EEA1: variants seen among roughly 807,000 people sequenced by gnomAD.
EEA1 encodes early endosome antigen 1, 162kD.
In EEA1, 111 loss-of-function variants were observed where a neutral mutation model predicts 209.2. The observed-to-expected ratio is 0.53, with a 90% CI of 0.45 to 0.62. EEA1 has a LOEUF of 0.62. EEA1 is among the 20% of genes least tolerant of loss of function. The pLI is 0.00. For missense variants in EEA1, 1,343 were observed against 1,530.8 expected (o/e 0.88, Z 2.05); for synonymous variants, 536 against 540.6 (o/e 0.99, Z 0.12).
intron 18 of EEA1, among the ~76,000 whole-genome samples, 197 bp from the exon 19 acceptor site, chr12:92,802,931 G>T (rs1318791408): frequency 6.6e-6 from 1 of 151,998 alleles, no homozygotes; most frequent in African/African-American, 2.4e-5. Flanking sequence ...AACAGATGTA[G>T]ATTATTTTTC....
chr12:92,867,944 T>C (rs2136726999), intron 2 of EEA1, among the ~76,000 whole-genome samples: 1 of 152,212 alleles, frequency 6.6e-6, no homozygotes. Flanking sequence ...GAGAAAAGCA[T>C]TCTAAGCAAA....
intron 2 of EEA1, among the ~76,000 whole-genome samples, chr12:92,871,226 G>A (rs888160321): frequency 2.0e-5 from 3 of 152,058 alleles, no homozygotes; most frequent in African/African-American, 7.2e-5. Context: ...CAAACAGGAA[G>A]AGAAACCACG....
intron 11 of EEA1, 147 bp downstream of exon 11, chr12:92,832,365 A>G: frequency 1.4e-6 from 1 of 697,538 alleles, no homozygotes; most frequent in Non-Finnish European, 2.3e-6. Context: ...GAGATCTGAC[A>G]ACACTACAGG....
At chr12:92,885,202 G>A (rs1283723439) in intron 2 of EEA1, among the ~76,000 whole-genome samples, 1 of 151,986 alleles carries the variant, frequency 6.6e-6, no homozygotes, top group Non-Finnish European at 1.5e-5. Context: ...AGCTGCACAG[G>A]AGGTTGGCAC....
chr12:92,837,451 C>A (rs73362473), intron 10 of EEA1, among the ~76,000 whole-genome samples: 6 of 152,128 alleles, frequency 3.9e-5, no homozygotes, highest in African/African-American at 1.4e-4. Flanking sequence ...GGCATGTGAG[C>A]GTCTTAGAAC....
chr12:92,868,484 G>A (rs1488128079), intron 2 of EEA1, among the ~76,000 whole-genome samples: 2 of 152,182 alleles, frequency 1.3e-5, no homozygotes, highest in Non-Finnish European at 2.9e-5. Flanking sequence ...GTGGCTTTTT[G>A]ACTATTGGCT....
At chr12:92,893,952 T>G (rs911122027) in intron 1 of EEA1, among the ~76,000 whole-genome samples, 4 of 152,228 alleles carry the variant, frequency 2.6e-5, no homozygotes, top group Non-Finnish European at 5.9e-5. Flanking sequence ...GTGGCGCTTT[T>G]TAGATATTGA....
At chr12:92,884,199 A>C in intron 2 of EEA1, 1 of 1,494,854 alleles carries the variant, frequency 6.7e-7, no homozygotes, top group Non-Finnish European at 9.2e-7. Flanking sequence ...GGCAGTGCCA[A>C]GAAAAGGGGC....
At chr12:92,873,428 G>A (rs941547359) in intron 2 of EEA1, among the ~76,000 whole-genome samples, 3 of 152,166 alleles carry the variant, frequency 2.0e-5, no homozygotes, top group African/African-American at 7.2e-5. Context: ...GTAAAGAATG[G>A]GGAGATATGA....
intron 1 of EEA1, among the ~76,000 whole-genome samples, chr12:92,906,265 T>G (rs1045505460): frequency 6.6e-6 from 1 of 151,932 alleles, no homozygotes; most frequent in Non-Finnish European, 1.5e-5. Flanking sequence ...CTAATTTTTG[T>G]ATTTTTTTTA....
chr12:92,903,368 C>T (rs889651991), intron 1 of EEA1, among the ~76,000 whole-genome samples: 1 of 151,810 alleles, frequency 6.6e-6, no homozygotes, highest in East Asian at 2.0e-4. Flanking sequence ...GAGGCTGAGG[C>T]AGGCAGATCA....
chr12:92,839,132 T>C (rs1320454399), intron 10 of EEA1, among the ~76,000 whole-genome samples: 3 of 152,138 alleles, frequency 2.0e-5, no homozygotes, highest in South Asian at 2.1e-4. Context: ...TAATCTGAGA[T>C]TGATGGTGAT....
chr12:92,843,610 A>AT (rs1052660125), intron 9 of EEA1, among the ~76,000 whole-genome samples: 15 of 151,558 alleles, frequency 9.9e-5, no homozygotes, highest in East Asian at 1.9e-4. Context: ...AAGACGAAGT[A>AT]TTTTTTTTTA....
rs532393073 is a variant in EEA1 at position 92,780,487 on chromosome 12, G to A, written c.3337-76C>T. The A allele has an allele frequency of 7.5e-6, 8 of 1,064,494 alleles. No homozygotes were observed. The South Asian group carries it at 1.2e-4, about 16-fold the overall frequency. The allele number at this position is 1,064,494 out of a possible 1,614,324, so 65.9% of individuals were successfully genotyped here. A position where few individuals can be genotyped will look rare whatever the true frequency, so the allele number is the denominator to read the frequency against. On this transcript the variant is annotated intron_variant, in intron 23 of 28. Transcript: ENST00000322349. ...GAAAATGGGTGTAATAAAAATGACT[G>A]CTACTATTGATGACACTGGCTCTGC...
intron 5 of EEA1, 43 bp downstream of exon 5, chr12:92,857,230 AAT>A (rs1565837866): frequency 6.9e-7 from 1 of 1,459,320 alleles, no homozygotes; most frequent in South Asian, 1.4e-5. Flanking sequence ...CAACAATAAA[AAT>A]AAACAACTAA....
At chr12:92,803,208 A>G (rs532241772) in intron 18 of EEA1, among the ~76,000 whole-genome samples, 185 of 152,214 alleles carry the variant, frequency 1.2e-3, no homozygotes, top group Admixed American at 2.8e-3. Flanking sequence ...TAACCCAGAA[A>G]AAAATCAAAG....
chr12:92,882,203 G>C (rs1440269066), intron 2 of EEA1, among the ~76,000 whole-genome samples: 1 of 151,872 alleles, frequency 6.6e-6, no homozygotes, highest in Admixed American at 6.6e-5. Context: ...TGCCTCCTGA[G>C]TTCAAGTGAT....
chr12:92,802,326 G>A, intron 19 of EEA1, 78 bp downstream of exon 19: 1 of 1,314,972 alleles, frequency 7.6e-7, no homozygotes, highest in Non-Finnish European at 1.0e-6. Flanking sequence ...AAAGCAAACT[G>A]TGAATTAAGC....
Position 92,781,984 on chromosome 12 carries a change from C to A in EEA1, c.3302G>T (p.Arg1101Leu). ...CTGAATGTCTTGTAGTGCTTTACAT[C>A]GCTCCTGCAATTGCTGTTCTTTCTT... Reference protein sequence around the residue: ...SAKKEQQLQERCKALQDIQKE... With the variant: ...SAKKEQQLQELCKALQDIQKE... Residue 1101 changes from arginine to leucine, a missense_variant, in exon 23 of 29, where the codon CGA (arginine) becomes CTA (leucine). Physicochemically the swap from Arg to Leu is moderately radical, Grantham distance 102 (BLOSUM62 -2). Coordinates refer to ENST00000322349, the MANE Select transcript of EEA1 (RefSeq NM_003566.4). 1 of 1,613,044 alleles carries A rather than the reference C, an allele frequency of 6.2e-7. No individual in the cohort carries two copies. The highest frequency in any genetic ancestry group is 1.1e-5 in the South Asian group (1 of 91,000).
Sources: allele counts gnomAD v4.1 joint callset (sites outside exome capture counted in the v4.1 genomes callset), GRCh38; gene constraint gnomAD v4.1.1; transcripts MANE v1.5; gene names NCBI Gene and HGNC (gene_info 2026-07-23, HGNC 2026-07-21).